PTPRD: variants seen among roughly 807,000 people sequenced by gnomAD.
PTPRD encodes receptor-type tyrosine-protein phosphatase delta.
PTPRD carries 34 observed loss-of-function variants against 214.5 expected under a neutral mutation model. The observed-to-expected ratio is 0.16, with a 90% confidence interval of 0.12 to 0.21. PTPRD has a LOEUF of 0.21. Among genes scored for constraint, PTPRD ranks in the 10% least tolerant of loss-of-function variants. PTPRD has a pLI of 1.00. For synonymous variants in PTPRD, 1,128 were observed against 845.7 expected (o/e 1.33, Z -5.79); for missense variants, 2,545 against 2,398.7 (o/e 1.06, Z -1.27).
In PTPRD at chr9:8,671,116, A is replaced by G. The variant is rs142368716; in HGVS notation, c.65-34272T>C. Among the ~76,000 whole-genome samples, 194 of 152,352 alleles carry G rather than the reference A, an allele frequency of 1.3e-3. 1 individual carries two copies. The highest frequency in any genetic ancestry group is 4.5e-3 in the African/African-American group (188 of 41,598). Reference sequence around the variant, plus strand: ...TTGGAGAGTATCAGCTTGAAAAAGGAAAGTGAAGAATACAATTAAACAAAA... The same window carrying G: ...TTGGAGAGTATCAGCTTGAAAAAGGGAAGTGAAGAATACAATTAAACAAAA... On this transcript the variant is annotated intron_variant, in intron 12 of 45. Coordinates refer to ENST00000381196, the MANE Select transcript of PTPRD (RefSeq NM_002839.4).
intron 11 of PTPRD, among the ~76,000 whole-genome samples, chr9:8,933,285 G>A (rs930351212): frequency 6.9e-6 from 1 of 144,542 alleles, no homozygotes; most frequent in Non-Finnish European, 1.5e-5. Context: ...GTATCGCTGG[G>A]AGTTGCAGAC....
intron 3 of PTPRD, among the ~76,000 whole-genome samples, chr9:10,207,104 C>G (rs2099486753): frequency 6.6e-6 from 1 of 152,112 alleles, no homozygotes; most frequent in Non-Finnish European, 1.5e-5. Flanking sequence ...TCACTTCAAA[C>G]AAGATATAGA....
intron 22 of PTPRD, among the ~76,000 whole-genome samples, chr9:8,505,904 A>T (rs578176895): frequency 6.6e-6 from 1 of 152,280 alleles, no homozygotes; most frequent in Non-Finnish European, 1.5e-5. Context: ...TGAAGGTTTA[A>T]ACAATTCAGT....
intron 2 of PTPRD, among the ~76,000 whole-genome samples, chr9:10,501,977 C>T (rs1330256325): frequency 6.6e-6 from 1 of 151,862 alleles, no homozygotes; most frequent in African/African-American, 2.4e-5. Flanking sequence ...GTTTTTAAAG[C>T]TCCTCAGGAG....
intron 12 of PTPRD, among the ~76,000 whole-genome samples, chr9:8,690,548 G>C (rs1378391482): frequency 2.0e-5 from 3 of 149,326 alleles, no homozygotes; most frequent in Non-Finnish European, 4.4e-5. Flanking sequence ...AAAAAAATTA[G>C]ATTTAATCAT....
intron 12 of PTPRD, among the ~76,000 whole-genome samples, chr9:8,710,685 A>G (rs2098313775): frequency 6.6e-6 from 1 of 152,172 alleles, no homozygotes; most frequent in Non-Finnish European, 1.5e-5. Context: ...CCCTTTCATA[A>G]TTATAAATGA....
At chr9:9,088,197 T>A (rs1479370001) in intron 10 of PTPRD, among the ~76,000 whole-genome samples, 1 of 151,940 alleles carries the variant, frequency 6.6e-6, no homozygotes, top group Non-Finnish European at 1.5e-5. Context: ...CCTAAACTTT[T>A]GATTCTTGTG....
chr9:8,899,642 G>C (rs1420685064), intron 11 of PTPRD, among the ~76,000 whole-genome samples: 1 of 152,156 alleles, frequency 6.6e-6, no homozygotes, highest in East Asian at 1.9e-4. Context: ...GGTTTTAAAG[G>C]AAACAGCCTG....
intron 11 of PTPRD, among the ~76,000 whole-genome samples, chr9:8,808,902 C>T (rs1242319694): frequency 6.6e-6 from 1 of 152,116 alleles, no homozygotes; most frequent in African/African-American, 2.4e-5. Flanking sequence ...CTGACTGAAG[C>T]ATGAACAGTG....
chr9:10,039,285 G>T (rs954937339), intron 3 of PTPRD, among the ~76,000 whole-genome samples: 1 of 151,890 alleles, frequency 6.6e-6, no homozygotes, highest in Non-Finnish European at 1.5e-5. Flanking sequence ...TGAATACAAA[G>T]AAAGACCATA....
chr9:10,449,384 C>T (rs561217590), intron 2 of PTPRD, among the ~76,000 whole-genome samples: 9 of 151,870 alleles, frequency 5.9e-5, no homozygotes, highest in East Asian at 1.9e-4. Context: ...GATCTCCGCT[C>T]GCTACAACCT....
intron 7 of PTPRD, among the ~76,000 whole-genome samples, chr9:9,627,271 C>T (rs1349221458): frequency 6.6e-6 from 1 of 152,206 alleles, no homozygotes; most frequent in Non-Finnish European, 1.5e-5. Flanking sequence ...TGGGCCACTT[C>T]ACTACAACAT....
intron 11 of PTPRD, among the ~76,000 whole-genome samples, chr9:8,772,213 T>C (rs2095258664): frequency 6.6e-6 from 1 of 152,134 alleles, no homozygotes; most frequent in African/African-American, 2.4e-5. Flanking sequence ...TACATAATTT[T>C]ATTGTGATGG....
chr9:9,922,634 G>A lies in PTPRD; in HGVS notation c.-368+15873C>T, dbSNP rs545881639. Among the ~76,000 whole-genome samples, 11 of 152,096 alleles carry A rather than the reference G, an allele frequency of 7.2e-5. No individual in the cohort carries two copies. The South Asian group carries it at 1.2e-3, about 17-fold the overall frequency. On this transcript the variant is annotated intron_variant, in intron 5 of 45. Transcript: ENST00000381196. The stretch of plus-strand genomic sequence containing the variant: ...ATGTTGGAGTGAGAAAACAGTATGT[G>A]TTGTACTAAATCAAAAAATGAATGC...
At chr9:9,071,010 C>T (rs551229578) in intron 10 of PTPRD, among the ~76,000 whole-genome samples, 1 of 152,218 alleles carries the variant, frequency 6.6e-6, no homozygotes, top group South Asian at 2.1e-4. Flanking sequence ...AATTTCTGGG[C>T]CCAAGTGATC....
intron 5 of PTPRD, among the ~76,000 whole-genome samples, chr9:9,814,357 T>C (rs2048083702): frequency 6.7e-6 from 1 of 149,690 alleles, no homozygotes; most frequent in Non-Finnish European, 1.5e-5. Flanking sequence ...AAAGTATTTG[T>C]TTGAAAATGA....
intron 9 of PTPRD, among the ~76,000 whole-genome samples, chr9:9,385,893 T>C (rs2063723610): frequency 6.6e-6 from 1 of 152,108 alleles, no homozygotes; most frequent in Admixed American, 6.6e-5. Context: ...ATGACTCCAG[T>C]CTTATGTTCT....
chr9:9,743,336 G>A (rs1362622309), intron 6 of PTPRD, among the ~76,000 whole-genome samples: 1 of 152,128 alleles, frequency 6.6e-6, no homozygotes, highest in African/African-American at 2.4e-5. Context: ...CTGCTTTTTA[G>A]ATGTATTCAT....
chr9:9,711,579 T>C (rs928041990), intron 7 of PTPRD, among the ~76,000 whole-genome samples: 4 of 152,182 alleles, frequency 2.6e-5, no homozygotes, highest in Admixed American at 2.0e-4. Context: ...GTATACTATT[T>C]CTATTGGAGC....
Sources: gnomAD v4.1 joint callset for allele counts (sites outside exome capture counted in the v4.1 genomes callset) on GRCh38, gnomAD v4.1.1 for gene constraint, MANE v1.5 for transcripts, NCBI Gene and HGNC (gene_info 2026-07-23, HGNC 2026-07-21) for gene names.